Variants in CD180 observed in about 807,000 individuals in gnomAD.
The protein encoded by CD180 is CD180 antigen.
In CD180, 11 loss-of-function variants were observed where a neutral mutation model predicts 10.7. That is an observed-to-expected ratio of 1.03 (90% confidence interval 0.65 to 1.70). The LOEUF is 1.70. CD180 is among the 40% of genes most tolerant of loss of function. The pLI, the probability that CD180 is intolerant of heterozygous loss-of-function variation, is 0.00. For missense variants in CD180, 729 were observed against 775.2 expected (o/e 0.94, Z 0.71); for synonymous variants, 286 against 294.6 (o/e 0.97, Z 0.30).
chr5:67,194,324 C>T (rs1742360860), intron 1 of CD180, among the ~76,000 whole-genome samples: 1 of 152,150 alleles, frequency 6.6e-6, no homozygotes. Context: ...CCAGAGGTCA[C>T]AAGATTTGTG....
rs765619451 is a variant in CD180 at position 67,183,509 on chromosome 5, T to C, written c.1334A>G (p.His445Arg). The C allele has an allele frequency of 6.2e-7, 1 of 1,614,106 alleles. No homozygotes were observed. Among genetic ancestry groups the C allele is most frequent in the Non-Finnish European group, 8.5e-7 (1 of 1,180,018 alleles). ...AGTGAGATTCAGAACCTGAAGGAAA[T>C]GGAGGTTTTGGAAGGGACTTTGTGG... is the stretch of plus-strand genomic sequence containing the variant. ...NAPQSPFQNL[H>R]FLQVLNLTYC... The change falls in exon 3 of 3, where the codon CAT becomes CGT. Residue 445 changes from histidine to arginine, a missense_variant. Transcript: ENST00000256447.
chr5:67,193,113 A>G (rs1401557917), intron 1 of CD180, among the ~76,000 whole-genome samples: 1 of 152,248 alleles, frequency 6.6e-6, no homozygotes, highest in East Asian at 1.9e-4. Flanking sequence ...CTACGTGCCA[A>G]AGGCCGTGTC....
rs1238421949 is a variant in CD180 at position 67,180,231 on chromosome 5, T to C, written c.*2626A>G. The C allele has an allele frequency of 6.6e-6, 1 of 152,250 alleles. No individual in the cohort carries two copies. Among genetic ancestry groups the C allele is most frequent in the Non-Finnish European group, 1.5e-5 (1 of 68,048 alleles). 9.4% of individuals were successfully genotyped at this position (152,250 alleles called of 1,614,324 possible). A position where few individuals can be genotyped will look rare whatever the true frequency, so the allele number is the denominator to read the frequency against. ...GCTAAGGCCTGGGCCCCTTTCATTG[T>C]TAGTGTGATGTAATTCACATCAGAG... On this transcript the variant is annotated 3_prime_UTR_variant, in exon 3 of 3. Coordinates refer to ENST00000256447, the MANE Select transcript of CD180 (RefSeq NM_005582.3).
At chr5:67,188,531 C>A (rs555194272) in intron 1 of CD180, among the ~76,000 whole-genome samples, 1 of 152,194 alleles carries the variant, frequency 6.6e-6, no homozygotes, top group African/African-American at 2.4e-5. Context: ...AGAAGCCCCA[C>A]TGAGACTTCC....
In CD180 at chr5:67,185,950, T is replaced by C. The variant is rs1232783934; in HGVS notation, c.158A>G (p.Asn53Ser). The C allele has an allele frequency of 1.9e-6, 3 of 1,611,716 alleles. No individual in the cohort carries two copies. Among genetic ancestry groups the C allele is most frequent in the Admixed American group, 1.7e-5 (1 of 59,768 alleles). Residue 53 changes from asparagine to serine, a missense_variant, in exon 2 of 3, where the codon AAC (asparagine) becomes AGC (serine). Physicochemically the swap from Asn to Ser is conservative, Grantham distance 46. Coordinates refer to ENST00000256447, the MANE Select transcript of CD180 (RefSeq NM_005582.3). ...GLSEIPDTLP[N>S]TTEFLEFSFN... ...GCTGAATTCCAAAAATTCTGTTGTG[T>C]TTGGTAGAGTGTCAGGGATTTCACT... is the stretch of plus-strand genomic sequence containing the variant.
At position 67,182,252 on chromosome 5, in the gene CD180, A is replaced by G. The variant is rs2151164562; in HGVS notation, c.*605T>C. 6.6e-6 allele frequency: 1 copy of G among 152,356 alleles called. No individual in the cohort carries two copies. Among genetic ancestry groups the G allele is most frequent in the Non-Finnish European group, 1.5e-5 (1 of 68,058 alleles). The allele number at this position is 152,356 out of a possible 1,614,324, so 9.4% of individuals were successfully genotyped here. A position where few individuals can be genotyped will look rare whatever the true frequency, so the allele number is the denominator to read the frequency against. ...TACAGACCTAAGGATTAAGAAGATT[A>G]ATGGAGTCGATTTGATACCAAGTTT... is the stretch of plus-strand genomic sequence containing the variant. On this transcript the variant is annotated 3_prime_UTR_variant, in exon 3 of 3. Transcript: ENST00000256447.
At position 67,183,669 on chromosome 5, in the gene CD180, G is replaced by T. The variant is rs757189008; in HGVS notation, c.1174C>A (p.Leu392Ile). 5 of 1,614,160 alleles carry T rather than the reference G, an allele frequency of 3.1e-6. No homozygotes were observed. In the Admixed American group the frequency reaches 8.3e-5, roughly 27 times the overall value. The change falls in exon 3 of 3, where the codon CTC (leucine) becomes ATC (isoleucine). Residue 392 changes from leucine to isoleucine, a missense_variant. Transcript: ENST00000256447. ...IEASDCCSLQ[L>I]KNLSHLQTLN... ...GTTTGCAAGTGGGACAGGTTTTTGA[G>T]TTGCAGACTGCAGCAGTCAGAAGCC... is the stretch of plus-strand genomic sequence containing the variant.
chr5:67,183,362 G>A lies in CD180; in HGVS notation c.1481C>T (p.Thr494Ile), dbSNP rs772898469. 4 of 1,614,212 alleles carry A rather than the reference G, an allele frequency of 2.5e-6. No individual in the cohort carries two copies. Among genetic ancestry groups the A allele is most frequent in the East Asian group, 4.5e-5 (2 of 44,888 alleles). ...GTITKTNLLQ[T>I]VGSLEVLILS... Reference sequence around the variant, plus strand: ...AATCAGAACCTCCAAGCTGCCCACGGTCTGAAGTAGGTTGGTCTTCGTGAT... The same window carrying A: ...AATCAGAACCTCCAAGCTGCCCACGATCTGAAGTAGGTTGGTCTTCGTGAT... Residue 494 changes from threonine to isoleucine, a missense_variant, in exon 3 of 3, where the codon ACC becomes ATC. By Grantham distance (89) the Thr-to-Ile change is moderately conservative. Coordinates refer to ENST00000256447, the MANE Select transcript of CD180 (RefSeq NM_005582.3).
chr5:67,182,968 A>G lies in CD180; in HGVS notation c.1875T>C (p.Cys625=). 7.4e-6 allele frequency: 12 copies of G among 1,614,222 alleles called. No homozygotes were observed. The highest frequency in any genetic ancestry group is 1.0e-5 in the Non-Finnish European group (12 of 1,180,032). Residue 625 remains cysteine, a synonymous_variant, in exon 3 of 3, where the codon TGT becomes TGC. Coordinates refer to ENST00000256447, the MANE Select transcript of CD180 (RefSeq NM_005582.3). ...AGAAAATGCCTATGGCTGTAATCCC[A>G]CAGGAAAGCTTGACATCAGATAGCT... ...GVKLSDVKLS[C]GITAIGIFFL...
intron 1 of CD180, chr5:67,190,967 G>C (rs1742293591): frequency 2.0e-6 from 2 of 985,260 alleles, no homozygotes; most frequent in African/African-American, 1.7e-5. Flanking sequence ...CTTGACACAC[G>C]CAGCAGCCAC....
Position 67,196,722 on chromosome 5 carries a change from TG to T in CD180, c.-82del. On this transcript the variant is annotated 5_prime_UTR_variant, in exon 1 of 3. The change abolishes the stop of an existing upstream ORF in the 5' untranslated region. Coordinates refer to ENST00000256447, the MANE Select transcript of CD180 (RefSeq NM_005582.3). ...TCAAACTGTGAAGGCCCTGGCAATTTGGCAGCCAGAGAGGTACTCAGAAGGG... is the reference window on the plus strand; with the variant it reads ...TCAAACTGTGAAGGCCCTGGCAATTTGCAGCCAGAGAGGTACTCAGAAGGG... The T allele has an allele frequency of 6.3e-7, 1 of 1,592,102 alleles. No individual in the cohort carries two copies. The highest frequency in any genetic ancestry group is 8.6e-7 in the Non-Finnish European group (1 of 1,167,160).
chr5:67,184,609 C>G (rs1287771609), intron 2 of CD180, 24 bp from the exon 3 acceptor site: 2 of 1,548,530 alleles, frequency 1.3e-6, no homozygotes, highest in Non-Finnish European at 1.7e-6. Flanking sequence ...TCGTATTTAA[C>G]AATAATTCAT....
chr5:67,194,468 A>T (rs1342866764), intron 1 of CD180, among the ~76,000 whole-genome samples: 1 of 152,128 alleles, frequency 6.6e-6, no homozygotes, highest in Non-Finnish European at 1.5e-5. Context: ...TGGACTCAGA[A>T]CTAAGGACCA....
At chr5:67,192,662 C>T (rs1742332237) in intron 1 of CD180, among the ~76,000 whole-genome samples, 1 of 152,084 alleles carries the variant, frequency 6.6e-6, no homozygotes, top group Non-Finnish European at 1.5e-5. Context: ...CTCATTATCA[C>T]CAAGACAGCA....
intron 1 of CD180, among the ~76,000 whole-genome samples, chr5:67,187,294 T>C (rs1742215885): frequency 6.6e-6 from 1 of 152,216 alleles, no homozygotes; most frequent in African/African-American, 2.4e-5. Context: ...TTTGTTACTA[T>C]TTCTGTATAT....
chr5:67,190,332 G>A (rs374873986), intron 1 of CD180, among the ~76,000 whole-genome samples: 17 of 152,304 alleles, frequency 1.1e-4, no homozygotes, highest in African/African-American at 3.1e-4. Context: ...AGAGTGAAAG[G>A]ACAAGATGCA....
Position 67,185,998 on chromosome 5 carries a change from T to C in CD180, c.110A>G (p.Tyr37Cys), listed in dbSNP as rs144258682. The change falls in exon 2 of 3, where the codon TAT becomes TGT. Residue 37 changes from tyrosine (Y) to cysteine (C), a missense_variant. Coordinates refer to ENST00000256447, the MANE Select transcript of CD180 (RefSeq NM_005582.3). The part of the protein sequence containing the change: ...MCIEKEANKT[Y>C]NCENLGLSEI... ...ACTGAGACCTAAATTTTCACAGTTA[T>C]ATGTTTTGTTGGCTTCTTTCTGATG... The C allele has an allele frequency of 5.6e-5, 89 of 1,593,570 alleles. No individual in the cohort carries two copies. The highest frequency in any genetic ancestry group is 1.8e-4 in the Admixed American group (10 of 57,080).
In CD180 at chr5:67,181,973, C is replaced by G. The variant is rs775919850; in HGVS notation, c.*884G>C. 8 of 152,220 alleles carry G rather than the reference C, an allele frequency of 5.3e-5. No individual in the cohort carries two copies. Among genetic ancestry groups the G allele is most frequent in the Non-Finnish European group, 1.2e-4 (8 of 68,042 alleles). 9.4% of individuals were successfully genotyped at this position (152,220 alleles called of 1,614,324 possible). ...GGCTTTTAAGGGCAAGCCTGAGAAC[C>G]AAACCACGATTTATTTCACAGTTCT... On this transcript the variant is annotated 3_prime_UTR_variant, in exon 3 of 3. Transcript: ENST00000256447.
chr5:67,186,480 T>G, intron 1 of CD180, among the ~76,000 whole-genome samples: 1 of 152,020 alleles, frequency 6.6e-6, no homozygotes, highest in East Asian at 1.9e-4. Flanking sequence ...AAACAAACCA[T>G]GCAAAAACCC....
Sources: allele counts gnomAD v4.1 joint callset (sites outside exome capture counted in the v4.1 genomes callset), GRCh38; gene constraint gnomAD v4.1.1; transcripts MANE v1.5; gene names NCBI Gene and HGNC (gene_info 2026-07-23, HGNC 2026-07-21).